FAR2: variants seen among roughly 807,000 people sequenced by gnomAD.
FAR2 encodes fatty acyl-CoA reductase 2, also known as epididymis secretory protein Li 81.
A neutral mutation model predicts 56.0 loss-of-function variants in FAR2; 19 were observed. That is an observed-to-expected ratio of 0.34 (90% CI 0.24 to 0.50). FAR2 has a LOEUF of 0.50. Ranked by LOEUF, FAR2 falls within the 20% of genes least tolerant of loss-of-function variation. The pLI is 0.98. For missense variants in FAR2, 508 were observed against 642.2 expected (o/e 0.79, Z 2.26); for synonymous variants, 219 against 218.8 (o/e 1.00, Z -0.01).
intron 1 of FAR2, among the ~76,000 whole-genome samples, chr12:29,201,497 G>A (rs964081687): frequency 9.9e-5 from 15 of 152,284 alleles, no homozygotes; most frequent in Non-Finnish European, 1.8e-4. Context: ...CTTAACTCAA[G>A]TGCCTTCTTC....
chr12:29,156,698 C>T (rs890730643), intron 1 of FAR2: 4 of 152,010 alleles, frequency 2.6e-5, no homozygotes, highest in African/African-American at 7.3e-5. Flanking sequence ...TTAGGGGTGA[C>T]AGCCTCAATT....
intron 1 of FAR2, among the ~76,000 whole-genome samples, chr12:29,225,800 T>C (rs376492677): frequency 2.6e-5 from 4 of 152,346 alleles, no homozygotes; most frequent in Middle Eastern, 3.4e-3. Context: ...GCCTCACCTT[T>C]TTTCAATTTC....
intron 1 of FAR2, among the ~76,000 whole-genome samples, chr12:29,231,138 G>T (rs1434103913): frequency 2.0e-5 from 3 of 152,180 alleles, no homozygotes. Context: ...GCTGCAGTCT[G>T]GCAACGAGTT....
At chr12:29,166,706 T>C (rs6487778) in intron 1 of FAR2, among the ~76,000 whole-genome samples, 112,444 of 152,106 alleles carry the variant, frequency 0.74, 43,678 homozygotes, top group East Asian at 0.91. Flanking sequence ...TTTAGAAACC[T>C]ACTTCCAAGG....
At chr12:29,232,817 T>TCA (rs1947879988) in intron 1 of FAR2, among the ~76,000 whole-genome samples, 1 of 132,928 alleles carries the variant, frequency 7.5e-6, no homozygotes, top group African/African-American at 3.0e-5. Flanking sequence ...ACATACGCGC[T>TCA]CGCGCACACA....
chr12:29,307,657 G>C lies in FAR2; in HGVS notation c.546-1G>C. The C allele has an allele frequency of 6.2e-7, 1 of 1,604,490 alleles. No individual in the cohort carries two copies. Among genetic ancestry groups the C allele is most frequent in the South Asian group, 1.1e-5 (1 of 89,338 alleles). ...AGAATTCTCTTTACTCTACCTTTTA[G>C]GTGGTTAGACGATGCTATTATTGAC... On this transcript the variant is annotated splice_acceptor_variant, in intron 4 of 11. Transcript: ENST00000536681. LOFTEE classifies it high-confidence loss of function.
In FAR2 at chr12:29,167,771, C is replaced by A. The variant is rs143737453; in HGVS notation, c.-39+18364C>A. Reference sequence around the variant, plus strand: ...GACAATTTGGTGCTTTATTTAGTCACTTCTATGTTGACATTTTGCCTTATT... The same window carrying A: ...GACAATTTGGTGCTTTATTTAGTCAATTCTATGTTGACATTTTGCCTTATT... On this transcript the variant is annotated intron_variant, in intron 1 of 11. Coordinates refer to ENST00000536681, the MANE Select transcript of FAR2 (RefSeq NM_001271783.2). 1.4e-4 allele frequency among the ~76,000 whole-genome samples: 21 copies of A among 152,326 alleles called. No individual in the cohort carries two copies. The East Asian group carries it at 4.1e-3, about 29-fold the overall frequency.
intron 6 of FAR2, among the ~76,000 whole-genome samples, chr12:29,310,253 A>T (rs761907722): frequency 6.6e-6 from 1 of 152,226 alleles, no homozygotes; most frequent in Non-Finnish European, 1.5e-5. Context: ...AAAATGTTCT[A>T]AATTGGTTTC....
At chr12:29,319,900 G>A (rs1011102403) in intron 9 of FAR2, among the ~76,000 whole-genome samples, 2 of 151,974 alleles carry the variant, frequency 1.3e-5, no homozygotes, top group East Asian at 1.9e-4. Context: ...TTGCATTTTG[G>A]GTATTAAGAA....
At chr12:29,311,825 T>G in intron 7 of FAR2, 58 bp from the exon 8 acceptor site, 1 of 1,248,254 alleles carries the variant, frequency 8.0e-7, no homozygotes, top group Non-Finnish European at 1.1e-6. Flanking sequence ...TTTCCTTATT[T>G]TTCTCTCATT....
chr12:29,249,128 G>T (rs1339562042), intron 1 of FAR2, among the ~76,000 whole-genome samples: 1 of 152,170 alleles, frequency 6.6e-6, no homozygotes, highest in East Asian at 1.9e-4. Context: ...AATCACCAGG[G>T]TATTGATTGG....
intron 1 of FAR2, among the ~76,000 whole-genome samples, chr12:29,199,322 G>A (rs11050117): frequency 0.48 from 72,380 of 151,990 alleles, 18,508 homozygotes; most frequent in Admixed American, 0.61. Flanking sequence ...GATCTCAGCC[G>A]GGCGCGGTGG....
intron 1 of FAR2, among the ~76,000 whole-genome samples, chr12:29,259,855 G>A (rs1467008349): frequency 1.3e-5 from 2 of 152,054 alleles, no homozygotes; most frequent in Non-Finnish European, 2.9e-5. Context: ...TAGGATGCTT[G>A]GGTGTGTTAG....
At chr12:29,315,324 G>A (rs1949428342) in intron 8 of FAR2, among the ~76,000 whole-genome samples, 1 of 152,188 alleles carries the variant, frequency 6.6e-6, no homozygotes, top group Non-Finnish European at 1.5e-5. Flanking sequence ...CAGAAGCACT[G>A]AGGGGGAGGA....
At chr12:29,252,578 G>T (rs1004236137) in intron 1 of FAR2, among the ~76,000 whole-genome samples, 11 of 152,160 alleles carry the variant, frequency 7.2e-5, no homozygotes, top group African/African-American at 2.6e-4. Flanking sequence ...ACTTTTTATT[G>T]TAGTATTTGA....
At chr12:29,241,299 T>C (rs991264406) in intron 1 of FAR2, among the ~76,000 whole-genome samples, 1 of 152,210 alleles carries the variant, frequency 6.6e-6, no homozygotes, top group Non-Finnish European at 1.5e-5. Flanking sequence ...TTTTTCTTCT[T>C]CTAATATTGC....
chr12:29,259,367 C>G (rs77010782), intron 1 of FAR2, among the ~76,000 whole-genome samples: 1,614 of 152,306 alleles, frequency 0.011, 32 homozygotes, highest in East Asian at 0.088. Flanking sequence ...ATAAAAAATC[C>G]TTGGTCAAGA....
intron 4 of FAR2, 45 bp from the exon 5 acceptor site, chr12:29,307,613 T>C (rs748912572): frequency 2.4e-5 from 36 of 1,521,076 alleles, no homozygotes; most frequent in Non-Finnish European, 3.2e-5. Context: ...TTTTGGTTTA[T>C]TGTCTAACAT....
At chr12:29,295,553 A>G (rs1297449342) in intron 3 of FAR2, among the ~76,000 whole-genome samples, 1 of 152,106 alleles carries the variant, frequency 6.6e-6, no homozygotes, top group Non-Finnish European at 1.5e-5. Context: ...TACTTTAAAA[A>G]CATTTAGTAT....
Sources: allele counts gnomAD v4.1 joint callset (sites outside exome capture counted in the v4.1 genomes callset), GRCh38; gene constraint gnomAD v4.1.1; transcripts MANE v1.5; gene names NCBI Gene and HGNC (gene_info 2026-07-23, HGNC 2026-07-21).